The following ODAD4 variants were observed in gnomAD, a reference collection of about 807,000 sequenced individuals.
ODAD4 encodes the protein outer dynein arm docking complex subunit 4, also known as outer dynein arm-docking complex subunit 4.
Under a neutral mutation model 51.8 loss-of-function variants are expected in ODAD4, and 49 were observed. The ratio of observed to expected loss-of-function variants is 0.95; its 90% CI spans 0.75 to 1.20. The LOEUF is 1.20. ODAD4 is among the 50% of genes most tolerant of loss of function. ODAD4 has a pLI of 0.00. For missense variants in ODAD4, 590 were observed against 586.5 expected (o/e 1.01, Z -0.06); for synonymous variants, 235 against 221.3 (o/e 1.06, Z -0.55).
chr17:41,955,007 G>T (rs1437751992), intron 9 of ODAD4: 2 of 676,832 alleles, frequency 3.0e-6, no homozygotes, highest in Non-Finnish European at 5.5e-6. Context: ...AGGTTCCTCA[G>T]TCCTGGTTCT....
chr17:41,940,364 C>T (rs1430925127), intron 7 of ODAD4, among the ~76,000 whole-genome samples: 6 of 152,206 alleles, frequency 3.9e-5, no homozygotes. Flanking sequence ...CTTTGCTTGG[C>T]CCTCAGGCCC....
intron 9 of ODAD4, among the ~76,000 whole-genome samples, chr17:41,950,125 A>T (rs1314227632): frequency 4.0e-5 from 6 of 150,118 alleles, no homozygotes; most frequent in Admixed American, 6.7e-5. Flanking sequence ...GCGCACCACC[A>T]CACCCGGCTA....
intron 11 of ODAD4, among the ~76,000 whole-genome samples, chr17:41,962,617 A>G (rs1322041014): frequency 6.6e-6 from 1 of 152,232 alleles, no homozygotes; most frequent in Non-Finnish European, 1.5e-5. Flanking sequence ...AGGAAGTGTT[A>G]TTAGCTTGAC....
At chr17:41,951,092 T>TC (rs1315373288) in intron 9 of ODAD4, among the ~76,000 whole-genome samples, 2 of 148,916 alleles carry the variant, frequency 1.3e-5, no homozygotes, top group Non-Finnish European at 3.0e-5. Context: ...ATTTTCTTCT[T>TC]TTTTTTTTTT....
In ODAD4 at chr17:41,935,558, G is replaced by T. The variant is rs782426202; in HGVS notation, c.247-41G>T. On this transcript the variant is annotated intron_variant, in intron 2 of 11. Coordinates refer to ENST00000377540, the MANE Select transcript of ODAD4 (RefSeq NM_031421.5). ...TTCCACCACATGTGAGTCCTATAAG[G>T]CCTTATCTGTTCACATTGATTTGAT... The T allele has an allele frequency of 4.3e-5, 69 of 1,589,832 alleles. No homozygotes were observed. The Admixed American group carries it at 1.2e-3, about 27-fold the overall frequency.
intron 3 of ODAD4, 142 bp downstream of exon 3, chr17:41,935,891 T>G: frequency 2.0e-6 from 2 of 1,006,622 alleles, no homozygotes; most frequent in Non-Finnish European, 2.9e-6. Flanking sequence ...GCTGCAGTGT[T>G]GTTGAGGATT....
At chr17:41,937,876 C>T (rs2050449640) in intron 5 of ODAD4, among the ~76,000 whole-genome samples, 1 of 152,216 alleles carries the variant, frequency 6.6e-6, no homozygotes, top group African/African-American at 2.4e-5. Flanking sequence ...TTGCCATTAG[C>T]TGATAAGCCT....
intron 9 of ODAD4, chr17:41,952,540 CAAAAAAAAA>C (rs11369140): frequency 3.3e-4 from 38 of 113,816 alleles, no homozygotes; most frequent in East Asian, 5.2e-4. Context: ...ACCCTCACTC[CAAAAAAAAA>C]AAAAAAAAAA....
At chr17:41,937,465 TC>T (rs1239220196) in intron 5 of ODAD4, among the ~76,000 whole-genome samples, 5 of 152,150 alleles carry the variant, frequency 3.3e-5, no homozygotes, top group Non-Finnish European at 5.9e-5. Context: ...GCCTCTGACC[TC>T]CAGTCCAGTG....
intron 10 of ODAD4, among the ~76,000 whole-genome samples, chr17:41,956,200 C>G (rs1173444202): frequency 1.1e-4 from 16 of 151,812 alleles, no homozygotes; most frequent in Admixed American, 5.9e-4. Flanking sequence ...GGCGCCCCCC[C>G]ACCACGCCCA....
At chr17:41,962,157 A>T (rs1483334256) in intron 11 of ODAD4, among the ~76,000 whole-genome samples, 1 of 151,930 alleles carries the variant, frequency 6.6e-6, no homozygotes, top group Non-Finnish European at 1.5e-5. Context: ...CCCCACTAGG[A>T]GGTGTAGGTG....
At chr17:41,956,157 C>T (rs2050729563) in intron 10 of ODAD4, among the ~76,000 whole-genome samples, 1 of 151,250 alleles carries the variant, frequency 6.6e-6, no homozygotes, top group African/African-American at 2.4e-5. Context: ...AAACGATTCA[C>T]CTGCCTCAGC....
At chr17:41,931,946 A>G (rs976387724) in intron 1 of ODAD4, among the ~76,000 whole-genome samples, 4 of 83,666 alleles carry the variant, frequency 4.8e-5, no homozygotes, top group African/African-American at 1.8e-4. Flanking sequence ...GTTGTTTTGG[A>G]GACGTAGTCT....
intron 10 of ODAD4, among the ~76,000 whole-genome samples, chr17:41,961,061 G>A (rs1328727235): frequency 6.6e-6 from 1 of 152,150 alleles, no homozygotes; most frequent in African/African-American, 2.4e-5. Flanking sequence ...TTTTTGCATT[G>A]ACTGAAGCCA....
At chr17:41,932,913 T>C (rs2050370739) in intron 1 of ODAD4, among the ~76,000 whole-genome samples, 1 of 152,098 alleles carries the variant, frequency 6.6e-6, no homozygotes, top group Non-Finnish European at 1.5e-5. Flanking sequence ...CCACTTCTTC[T>C]GCTCCAAATT....
In ODAD4 at chr17:41,965,149, C is replaced by T. The variant is rs950031798; in HGVS notation, c.1685C>T (p.Pro562Leu). ...GCTTTTGGGGAAGCTCTGCAGAGCC[C>T]AGCAAGCGGAAAGCAGAGTGTGGAA... ...DEAFGEALQS[P>L]ASGKQSVEAG... Residue 562 changes from proline to leucine, a missense_variant, in exon 12 of 12, where the codon CCA becomes CTA. Physicochemically the swap from Pro to Leu is moderately conservative, Grantham distance 98. Transcript: ENST00000377540. 2 of 773,166 alleles carry T rather than the reference C, an allele frequency of 2.6e-6. No individual in the cohort carries two copies. The highest frequency in any genetic ancestry group is 2.7e-5 in the South Asian group (2 of 73,026). The allele number at this position is 773,166 out of a possible 1,614,324, so 47.9% of individuals were successfully genotyped here.
Position 41,952,687 on chromosome 17 carries a change from A to G in ODAD4, c.1343-2530A>G, listed in dbSNP as rs117983984. The G allele has an allele frequency of 5.8e-6, 3 of 516,476 alleles. No homozygotes were observed. In the East Asian group the frequency reaches 1.6e-4, roughly 28 times the overall value. 32.0% of individuals were successfully genotyped at this position (516,476 alleles called of 1,614,324 possible). A position where few individuals can be genotyped will look rare whatever the true frequency, so the allele number is the denominator to read the frequency against. On this transcript the variant is annotated intron_variant, in intron 9 of 11. Coordinates refer to ENST00000377540, the MANE Select transcript of ODAD4 (RefSeq NM_031421.5). ...CTTGAAAGGAATACTGCGACTCCAC[A>G]TATTTTCAGAATTACACTTAAATTT...
At chr17:41,945,268 T>G in intron 8 of ODAD4, 46 bp downstream of exon 8, 1 of 1,443,344 alleles carries the variant, frequency 6.9e-7, no homozygotes, top group Non-Finnish European at 9.7e-7. Context: ...TGGTTAGAAC[T>G]TCTCACCATA....
At chr17:41,956,562 G>A (rs143073246) in intron 10 of ODAD4, among the ~76,000 whole-genome samples, 26 of 148,616 alleles carry the variant, frequency 1.7e-4, no homozygotes, top group African/African-American at 5.9e-4. Context: ...ACGTGTTGCT[G>A]GGACTCGGCA....
Sources: allele counts gnomAD v4.1 joint callset (sites outside exome capture counted in the v4.1 genomes callset), GRCh38; gene constraint gnomAD v4.1.1; transcripts MANE v1.5; gene names NCBI Gene and HGNC (gene_info 2026-07-23, HGNC 2026-07-21).